Variants in CNTNAP2 observed in about 807,000 individuals in gnomAD.
The protein encoded by CNTNAP2 is contactin associated protein 2, also known as contactin-associated protein-like 2.
A neutral mutation model predicts 155.2 loss-of-function variants in CNTNAP2; 98 were observed. The observed-to-expected ratio is 0.63, with a 90% CI of 0.54 to 0.75. CNTNAP2 has a LOEUF of 0.75. Ranked by LOEUF, CNTNAP2 falls within the 30% of genes least tolerant of loss-of-function variation. The pLI, the probability that CNTNAP2 is intolerant of heterozygous loss-of-function variation, is 0.00. For synonymous variants in CNTNAP2, 651 were observed against 631.2 expected, an observed-to-expected ratio of 1.03 and a Z score of -0.47; for missense variants, 1,727 against 1,688.1, an observed-to-expected ratio of 1.02 and a Z score of -0.40.
At chr7:146,929,330 G>T (rs1436618369) in intron 3 of CNTNAP2, among the ~76,000 whole-genome samples, 2 of 152,164 alleles carry the variant, frequency 1.3e-5, no homozygotes. Flanking sequence ...GGCAAACAGG[G>T]TCTGGAGTGG....
chr7:147,387,908 GC>G (rs1796650047), intron 9 of CNTNAP2, among the ~76,000 whole-genome samples: 1 of 151,996 alleles, frequency 6.6e-6, no homozygotes, highest in African/African-American at 2.4e-5. Flanking sequence ...CTATTGATAT[GC>G]CTTGCCTGAA....
At chr7:146,935,669 A>G (rs1796899999) in intron 3 of CNTNAP2, among the ~76,000 whole-genome samples, 1 of 152,330 alleles carries the variant, frequency 6.6e-6, no homozygotes, top group Admixed American at 6.5e-5. Context: ...AGTTATGCTA[A>G]ATAATCGAAT....
intron 3 of CNTNAP2, among the ~76,000 whole-genome samples, chr7:146,965,794 C>A (rs1011183888): frequency 6.6e-6 from 1 of 152,160 alleles, no homozygotes; most frequent in Non-Finnish European, 1.5e-5. Context: ...TTAGACACAT[C>A]ATGGAAACAG....
chr7:148,291,296 A>AT (rs1357219221), intron 21 of CNTNAP2, among the ~76,000 whole-genome samples: 11 of 59,374 alleles, frequency 1.9e-4, no homozygotes, highest in South Asian at 7.8e-4. Context: ...GAATATATAT[A>AT]TAATATATAT....
chr7:147,917,651 A>G (rs1800183156), intron 14 of CNTNAP2, among the ~76,000 whole-genome samples: 1 of 152,224 alleles, frequency 6.6e-6, no homozygotes, highest in Non-Finnish European at 1.5e-5. Flanking sequence ...GTAGCCTTTA[A>G]CTGGGCATGA....
chr7:148,031,268 AG>A (rs1426497635), intron 15 of CNTNAP2, among the ~76,000 whole-genome samples: 2 of 152,196 alleles, frequency 1.3e-5, no homozygotes, highest in Non-Finnish European at 2.9e-5. Context: ...TACCTCTCAA[AG>A]GGCAGAGTAA....
In CNTNAP2 at chr7:148,071,094, A is replaced by G. The variant is rs140161495; in HGVS notation, c.2384-47024A>G. 3.4e-3 allele frequency among the ~76,000 whole-genome samples: 525 copies of G among 152,298 alleles called. 2 individuals carry two copies. Among genetic ancestry groups the G allele is most frequent in the African/African-American group, 0.012 (501 of 41,578 alleles). ...TATAAGTTTCTCAGGGCTCAAATGT[A>G]GAACATCTTTTTGATAGCTTTTCAC... On this transcript the variant is annotated intron_variant, in intron 15 of 23. Transcript: ENST00000361727.
rs575233476 is a variant in CNTNAP2, at chr7:147,463,575, A to G, written c.1671-22360A>G. 4.6e-5 allele frequency among the ~76,000 whole-genome samples: 7 copies of G among 152,332 alleles called. No homozygotes were observed. The South Asian group carries it at 1.0e-3, about 23-fold the overall frequency. ...CCAATATCTCTTGGCCTTCTGAAGG[A>G]TCAGAAAACTTAACTCCCTGCCTTC... On this transcript the variant is annotated intron_variant, in intron 10 of 23. Transcript: ENST00000361727.
chr7:147,344,363 AG>A (rs1358400415), intron 9 of CNTNAP2, among the ~76,000 whole-genome samples: 1 of 152,184 alleles, frequency 6.6e-6, no homozygotes, highest in African/African-American at 2.4e-5. Flanking sequence ...TTTTCTTCTT[AG>A]GCTGACCAAA....
intron 1 of CNTNAP2, among the ~76,000 whole-genome samples, chr7:146,711,104 A>G (rs1801059873): frequency 6.6e-6 from 1 of 151,502 alleles, no homozygotes; most frequent in African/African-American, 2.4e-5. Flanking sequence ...TCTCCTGTAT[A>G]TGCACACACA....
chr7:146,317,185 A>G (rs1435102775), intron 1 of CNTNAP2, among the ~76,000 whole-genome samples: 8 of 152,188 alleles, frequency 5.3e-5, no homozygotes, highest in Non-Finnish European at 8.8e-5. Context: ...AATGCAATAC[A>G]TTAAAATTAG....
At chr7:148,098,419 G>A (rs1455889680) in intron 15 of CNTNAP2, among the ~76,000 whole-genome samples, 1 of 134,998 alleles carries the variant, frequency 7.4e-6, no homozygotes, top group Non-Finnish European at 1.5e-5. Context: ...ACTCCAGCTT[G>A]GTGACAGAGC....
At chr7:148,243,984 G>C (rs1035466912) in intron 20 of CNTNAP2, among the ~76,000 whole-genome samples, 13 of 152,130 alleles carry the variant, frequency 8.5e-5, no homozygotes, top group African/African-American at 3.1e-4. Context: ...CATGTGCAAA[G>C]TTATATGAAA....
chr7:147,559,590 G>T (rs1174215138), intron 11 of CNTNAP2, among the ~76,000 whole-genome samples: 8 of 152,058 alleles, frequency 5.3e-5, no homozygotes, highest in African/African-American at 1.9e-4. Context: ...TTTGGCAGAA[G>T]AAAAAGACAA....
At chr7:147,340,402 T>C (rs1795741061) in intron 9 of CNTNAP2, among the ~76,000 whole-genome samples, 1 of 152,172 alleles carries the variant, frequency 6.6e-6, no homozygotes. Context: ...AGCTCTTCTA[T>C]AGATGATTTT....
intron 1 of CNTNAP2, among the ~76,000 whole-genome samples, chr7:146,455,583 T>G (rs77830767): frequency 0.011 from 1,673 of 152,320 alleles, 19 homozygotes; most frequent in South Asian, 0.032. Context: ...TTCTAAGACC[T>G]TCTCTCATTC....
intron 1 of CNTNAP2, among the ~76,000 whole-genome samples, chr7:146,504,952 C>A (rs981781737): frequency 6.6e-6 from 1 of 152,112 alleles, no homozygotes. Flanking sequence ...ACAACCACCC[C>A]ACGGTGACAT....
chr7:147,694,070 A>C (rs1796128900), intron 13 of CNTNAP2, among the ~76,000 whole-genome samples: 1 of 152,034 alleles, frequency 6.6e-6, no homozygotes, highest in South Asian at 2.1e-4. Flanking sequence ...ATGAGTGGGT[A>C]CTGGATTTTG....
intron 8 of CNTNAP2, among the ~76,000 whole-genome samples, chr7:147,267,495 G>A (rs1804639177): frequency 6.6e-6 from 1 of 151,948 alleles, no homozygotes; most frequent in South Asian, 2.1e-4. Flanking sequence ...TCTCTCTGAT[G>A]TTCTGTTTCA....
Sources: gnomAD v4.1 joint callset for allele counts (sites outside exome capture counted in the v4.1 genomes callset) on GRCh38, gnomAD v4.1.1 for gene constraint, MANE v1.5 for transcripts, NCBI Gene and HGNC (gene_info 2026-07-23, HGNC 2026-07-21) for gene names.